Variants in AR observed in about 807,000 individuals in gnomAD.
AR encodes androgen receptor.
In AR, 8 loss-of-function variants were observed where a neutral mutation model predicts 53.9. The observed-to-expected ratio is 0.15, with a 90% CI of 0.09 to 0.27. AR has a LOEUF of 0.27. AR is among the 10% of genes least tolerant of loss of function. AR has a pLI of 1.00. For missense variants in AR, 639 were observed against 742.5 expected (o/e 0.86, Z 1.62); for synonymous variants, 359 against 316.4 (o/e 1.13, Z -1.43).
At chrX:67,665,652 A>G (rs1459914888) in intron 2 of AR, among the ~76,000 whole-genome samples, 1 of 111,189 alleles carries the variant, frequency 9.0e-6, no homozygotes, top group Non-Finnish European at 1.9e-5. Flanking sequence ...ACATCTAATA[A>G]CACAAAGATC....
chrX:67,555,502 C>T (rs1337220815), intron 1 of AR, among the ~76,000 whole-genome samples: 1 of 111,758 alleles, frequency 8.9e-6, no homozygotes, highest in Non-Finnish European at 1.9e-5. Context: ...TTTATCTGAA[C>T]AAGTCAGCAA....
In AR at chrX:67,711,662, G is replaced by A. The variant is rs1340026226; in HGVS notation, c.2146G>A (p.Val716Met). 2.5e-6 allele frequency: 3 copies of A among 1,204,980 alleles called. No individual in the cohort carries two copies. Among genetic ancestry groups the A allele is most frequent in the Admixed American group, 2.2e-5 (1 of 45,422 alleles). Reference protein sequence around the residue: ...NELGERQLVHVVKWAKALPGF... With the variant: ...NELGERQLVHMVKWAKALPGF... The stretch of plus-strand genomic sequence containing the variant: ...ACTGGGAGAGAGACAGCTTGTACAC[G>A]TGGTCAAGTGGGCCAAGGCCTTGCC... Residue 716 changes from valine (V) to methionine (M), a missense_variant, in exon 4 of 8, where the codon GTG becomes ATG. This residue lies in a region of AR where 95 missense variants were observed against 196.4 expected (regional missense o/e 0.48). Transcript: ENST00000374690.
intron 2 of AR, among the ~76,000 whole-genome samples, chrX:67,662,264 G>A (rs1407215219): frequency 1.7e-4 from 19 of 111,191 alleles, no homozygotes; most frequent in African/African-American, 1.3e-4. Flanking sequence ...TGCTTCTCTA[G>A]TTCTTTTAAT....
At chrX:67,722,718 T>C (rs2076140885) in intron 6 of AR, 109 bp from the exon 7 acceptor site, 1 of 959,621 alleles carries the variant, frequency 1.0e-6, no homozygotes, top group African/African-American at 1.9e-5. Context: ...AAGTAGATGG[T>C]TCCCTGTGGG....
intron 3 of AR, among the ~76,000 whole-genome samples, chrX:67,687,276 G>A (rs2075971932): frequency 9.0e-6 from 1 of 111,605 alleles, no homozygotes; most frequent in Non-Finnish European, 1.9e-5. Context: ...CCTGGAGCAG[G>A]GCCATGTGTG....
chrX:67,721,618 T>C (rs1375884035), intron 5 of AR, among the ~76,000 whole-genome samples: 1 of 111,110 alleles, frequency 9.0e-6, no homozygotes, highest in Non-Finnish European at 1.9e-5. Context: ...TGAGTAGTTA[T>C]CAGGGTGTCA....
At chrX:67,716,602 G>A (rs1402060123) in intron 4 of AR, among the ~76,000 whole-genome samples, 1 of 111,249 alleles carries the variant, frequency 9.0e-6, no homozygotes, top group Non-Finnish European at 1.9e-5. Context: ...TGGGAAATTA[G>A]TAGGGCCAGG....
At chrX:67,615,842 G>T (rs1924092792) in intron 1 of AR, among the ~76,000 whole-genome samples, 2 of 111,573 alleles carry the variant, frequency 1.8e-5, no homozygotes, top group South Asian at 7.4e-4. Flanking sequence ...TGGCAAATAT[G>T]AAGAGTAACA....
At chrX:67,561,547 A>G (rs1252183387) in intron 1 of AR, among the ~76,000 whole-genome samples, 1 of 112,438 alleles carries the variant, frequency 8.9e-6, no homozygotes, top group East Asian at 2.8e-4. Flanking sequence ...TTAAATACAA[A>G]TATGACACCA....
chrX:67,655,560 C>T (rs1383826727), intron 2 of AR, among the ~76,000 whole-genome samples: 2 of 111,361 alleles, frequency 1.8e-5, no homozygotes, highest in African/African-American at 6.5e-5. Context: ...TGATTTCCCA[C>T]CTACCTAGTG....
chrX:67,687,090 G>A (rs76603523), intron 3 of AR, among the ~76,000 whole-genome samples: 1 of 111,760 alleles, frequency 8.9e-6, no homozygotes, highest in Non-Finnish European at 1.9e-5. Context: ...TGCAACTGTA[G>A]CCTCATACCC....
At chrX:67,615,308 A>G (rs1924068479) in intron 1 of AR, among the ~76,000 whole-genome samples, 1 of 111,435 alleles carries the variant, frequency 9.0e-6, no homozygotes, top group Non-Finnish European at 1.9e-5. Flanking sequence ...GGAGTCAAAT[A>G]TAAAGAGAAA....
intron 7 of AR, 96 bp downstream of exon 7, chrX:67,723,080 G>A: frequency 9.6e-7 from 1 of 1,046,113 alleles, no homozygotes; most frequent in Admixed American, 2.3e-5. Context: ...CTGTTGGGAG[G>A]TGCTTCCATT....
chrX:67,710,592 C>G, intron 3 of AR, among the ~76,000 whole-genome samples: 1 of 111,647 alleles, frequency 9.0e-6, no homozygotes. Context: ...CTCAGCCTCC[C>G]AAAATGCTGG....
At chrX:67,723,233 A>G (rs1312861383) in intron 7 of AR, among the ~76,000 whole-genome samples, 1 of 108,538 alleles carries the variant, frequency 9.2e-6, no homozygotes, top group Non-Finnish European at 1.9e-5. Flanking sequence ...CTTGCAGCAG[A>G]TGAATTCTCT....
chrX:67,668,174 A>C (rs1275351410), intron 2 of AR, among the ~76,000 whole-genome samples: 1 of 111,917 alleles, frequency 8.9e-6, no homozygotes, highest in Non-Finnish European at 1.9e-5. Flanking sequence ...AGTTTTTCTG[A>C]ATTTAGTATG....
chrX:67,643,577 C>G (rs1009019679), intron 2 of AR, among the ~76,000 whole-genome samples, 170 bp downstream of exon 2: 2 of 111,865 alleles, frequency 1.8e-5, no homozygotes, highest in African/African-American at 3.2e-5. Flanking sequence ...CTTGCTAGTT[C>G]CCTGGTTTCA....
At position 67,728,682 on chromosome X, in the gene AR, T is replaced by C. The variant is rs1294003508; in HGVS notation, c.*4841T>C. The C allele has an allele frequency of 2.4e-5, 3 of 123,540 alleles. No individual in the cohort carries two copies. The highest frequency in any genetic ancestry group is 4.7e-5 in the Non-Finnish European group (3 of 64,058). 10.2% of individuals were successfully genotyped at this position (123,540 alleles called of 1,213,427 possible). Reference sequence around the variant, plus strand: ...TTTATATTTGGTTCCAGATCACACCTGATGCCATGTACTTGTGAGAGAGGA... The same window carrying C: ...TTTATATTTGGTTCCAGATCACACCCGATGCCATGTACTTGTGAGAGAGGA... On this transcript the variant is annotated 3_prime_UTR_variant, in exon 8 of 8. Coordinates refer to ENST00000374690, the MANE Select transcript of AR (RefSeq NM_000044.6).
At chrX:67,549,325 A>G (rs1602147493) in intron 1 of AR, among the ~76,000 whole-genome samples, 1 of 111,472 alleles carries the variant, frequency 9.0e-6, no homozygotes, top group East Asian at 2.8e-4. Context: ...TCCCTTTACC[A>G]TTCATGTGTG....
Sources: gnomAD v4.1 joint callset for allele counts (sites outside exome capture counted in the v4.1 genomes callset) on GRCh38, gnomAD v4.1.1 for gene constraint, gnomAD v4.1.1 regional missense constraint, MANE v1.5 for transcripts, NCBI Gene and HGNC (gene_info 2026-07-23, HGNC 2026-07-21) for gene names.